The following KLHL29 variants were observed in gnomAD, a reference collection of about 807,000 sequenced individuals.
KLHL29 encodes the protein kelch like family member 29, also known as kelch-like protein 29.
A neutral mutation model predicts 80.4 loss-of-function variants in KLHL29; 21 were observed. The ratio of observed to expected loss-of-function variants is 0.26; its 90% CI spans 0.19 to 0.38. The LOEUF is 0.38. KLHL29 is among the 10% of genes least tolerant of loss of function. The pLI is 1.00. For synonymous variants in KLHL29, 511 were observed against 526.8 expected (o/e 0.97, Z 0.41); for missense variants, 867 against 1,223.9 (o/e 0.71, Z 4.35).
At chr2:23,470,899 G>T (rs1664480576) in intron 1 of KLHL29, among the ~76,000 whole-genome samples, 1 of 152,166 alleles carries the variant, frequency 6.6e-6, no homozygotes, top group Non-Finnish European at 1.5e-5. Context: ...TTTTGTGTTG[G>T]CAAGAAGCCT....
At chr2:23,554,026 C>T (rs1394110744) in intron 2 of KLHL29, among the ~76,000 whole-genome samples, 1 of 152,186 alleles carries the variant, frequency 6.6e-6, no homozygotes, top group African/African-American at 2.4e-5. Flanking sequence ...TAGCCTCAGC[C>T]AGAAGCAAGA....
chr2:23,707,424 G>A lies in KLHL29; in HGVS notation c.*760G>A, dbSNP rs960695668. 1 of 152,248 alleles carries A rather than the reference G, an allele frequency of 6.6e-6. No homozygotes were observed. The highest frequency in any genetic ancestry group is 1.5e-5 in the Non-Finnish European group (1 of 68,048). 9.4% of individuals were successfully genotyped at this position (152,248 alleles called of 1,614,324 possible). A position where few individuals can be genotyped will look rare whatever the true frequency, so the allele number is the denominator to read the frequency against. On this transcript the variant is annotated 3_prime_UTR_variant, in exon 14 of 14. Transcript: ENST00000486442. ...TTTTAAGTACTGAGAGGAGGAGCAG[G>A]CCACAAGAGGGATAATGTTGTGGGA... is the stretch of plus-strand genomic sequence containing the variant.
At chr2:23,534,073 C>T (rs187796295) in intron 2 of KLHL29, among the ~76,000 whole-genome samples, 8 of 152,150 alleles carry the variant, frequency 5.3e-5, no homozygotes, top group Non-Finnish European at 7.4e-5. Flanking sequence ...TCCCCGGTTT[C>T]GGGGATGCCT....
intron 3 of KLHL29, among the ~76,000 whole-genome samples, chr2:23,606,186 G>GGC (rs397956322): frequency 1.7e-5 from 2 of 119,754 alleles, no homozygotes; most frequent in Non-Finnish European, 3.4e-5. Context: ...GAGAGAGAGA[G>GGC]AGGGAGAGAG....
intron 1 of KLHL29, among the ~76,000 whole-genome samples, chr2:23,455,567 G>A (rs1664026562): frequency 6.6e-6 from 1 of 150,920 alleles, no homozygotes; most frequent in Non-Finnish European, 1.5e-5. Flanking sequence ...TTGCCATTGA[G>A]TGATGAAGAG....
At chr2:23,685,814 T>A (rs1671231193) in intron 6 of KLHL29, among the ~76,000 whole-genome samples, 1 of 152,172 alleles carries the variant, frequency 6.6e-6, no homozygotes, top group Admixed American at 6.5e-5. Flanking sequence ...GTGCTGCCAC[T>A]CTTGACAAAT....
intron 2 of KLHL29, among the ~76,000 whole-genome samples, chr2:23,505,254 G>A (rs1199789846): frequency 5.3e-5 from 8 of 152,224 alleles, no homozygotes; most frequent in Non-Finnish European, 8.8e-5. Flanking sequence ...GATGCAGGGT[G>A]TCAGAGGAGA....
At chr2:23,443,934 C>A (rs941182925) in intron 1 of KLHL29, among the ~76,000 whole-genome samples, 1 of 152,160 alleles carries the variant, frequency 6.6e-6, no homozygotes, top group Non-Finnish European at 1.5e-5. Flanking sequence ...CCCTTGGTAA[C>A]CCTTATGTGA....
At chr2:23,673,978 C>T (rs1670854707) in intron 5 of KLHL29, among the ~76,000 whole-genome samples, 1 of 152,220 alleles carries the variant, frequency 6.6e-6, no homozygotes, top group East Asian at 1.9e-4. Flanking sequence ...TAACATGGCC[C>T]TCTCACACCT....
chr2:23,509,024 G>T (rs763578175), intron 2 of KLHL29, among the ~76,000 whole-genome samples: 2 of 152,170 alleles, frequency 1.3e-5, no homozygotes, highest in Non-Finnish European at 2.9e-5. Flanking sequence ...ATGTACCTCC[G>T]TCATGAGAAT....
intron 2 of KLHL29, among the ~76,000 whole-genome samples, chr2:23,535,597 A>G (rs192266003): frequency 2.0e-5 from 3 of 152,350 alleles, no homozygotes; most frequent in Admixed American, 1.3e-4. Context: ...AGTCATGGAT[A>G]CCTACTACAA....
At chr2:23,605,927 G>T (rs1668710001) in intron 3 of KLHL29, among the ~76,000 whole-genome samples, 1 of 151,948 alleles carries the variant, frequency 6.6e-6, no homozygotes, top group South Asian at 2.1e-4. Flanking sequence ...CCACCACCAC[G>T]CCCGGCTAAT....
At chr2:23,694,520 C>G (rs2712078) in intron 8 of KLHL29, among the ~76,000 whole-genome samples, 151,275 of 152,294 alleles carry the variant, frequency 0.99, 75,139 homozygotes, top group East Asian at 1. Context: ...CAAACCCCTC[C>G]TCAGTTGCCT....
intron 2 of KLHL29, chr2:23,524,152 C>A (rs1451376906): frequency 2.4e-6 from 1 of 419,914 alleles, no homozygotes; most frequent in Admixed American, 2.6e-5. Flanking sequence ...AAAAGGAAGC[C>A]GATGCTGGAG....
intron 1 of KLHL29, among the ~76,000 whole-genome samples, chr2:23,425,288 A>G (rs1662976608): frequency 6.6e-6 from 1 of 152,206 alleles, no homozygotes; most frequent in South Asian, 2.1e-4. Flanking sequence ...AGTCAAAAAC[A>G]GAATTGGAAA....
rs1250823820 is a variant in KLHL29, at chr2:23,432,425, TGGA to T, written c.-153-43131_-153-43129del. Among the ~76,000 whole-genome samples the T allele has an allele frequency of 3.9e-5, 6 of 152,352 alleles. No homozygotes were observed. The East Asian group carries it at 1.2e-3, about 29-fold the overall frequency. ...ATGGGGAAGCTTTCTATTCATTTGT[TGGA>T]GGAAATATTTTCCAGTCACATGCTG... On this transcript the variant is annotated intron_variant, in intron 1 of 13. Coordinates refer to ENST00000486442, the MANE Select transcript of KLHL29 (RefSeq NM_052920.2).
intron 3 of KLHL29, among the ~76,000 whole-genome samples, chr2:23,633,597 A>G (rs912305534): frequency 6.6e-6 from 1 of 152,004 alleles, no homozygotes; most frequent in African/African-American, 2.4e-5. Context: ...TGCTGATCCC[A>G]TGGTATTGAC....
intron 2 of KLHL29, among the ~76,000 whole-genome samples, chr2:23,486,588 C>T (rs1385114798): frequency 6.6e-6 from 1 of 152,192 alleles, no homozygotes; most frequent in Admixed American, 6.5e-5. Flanking sequence ...GTCAGCATGT[C>T]CTTGGGGCAT....
At chr2:23,569,080 A>G (rs1653721) in intron 3 of KLHL29, among the ~76,000 whole-genome samples, 127,882 of 152,202 alleles carry the variant, frequency 0.84, 54,048 homozygotes, top group East Asian at 1. Flanking sequence ...TCCTGTCACC[A>G]CTCCAGGGTT....
Sources: allele counts gnomAD v4.1 joint callset (sites outside exome capture counted in the v4.1 genomes callset), GRCh38; gene constraint gnomAD v4.1.1; transcripts MANE v1.5; gene names NCBI Gene and HGNC (gene_info 2026-07-23, HGNC 2026-07-21).